The following NOTCH2NLB variants were observed in gnomAD, a reference collection of about 807,000 sequenced individuals.
The protein encoded by NOTCH2NLB is notch homolog 2 N-terminal-like protein B.
A neutral mutation model predicts 14.8 loss-of-function variants in NOTCH2NLB; 1 was observed. That is an observed-to-expected ratio of 0.07 (90% CI 0.02 to 0.32). NOTCH2NLB has a LOEUF of 0.32. NOTCH2NLB is among the 10% of genes least tolerant of loss of function. NOTCH2NLB has a pLI of 1.00. For synonymous variants in NOTCH2NLB, 6 were observed against 57.5 expected (o/e 0.10, Z 4.05); for missense variants, 11 against 155.0 (o/e 0.07, Z 4.93).
At chr1:148,658,944 AC>A (rs1364189905) in intron 1 of NOTCH2NLB, among the ~76,000 whole-genome samples, 1 of 148,342 alleles carries the variant, frequency 6.7e-6, no homozygotes, top group Non-Finnish European at 1.5e-5. Flanking sequence ...TAAGACTAAT[AC>A]ACCAGGGTTT....
chr1:148,634,110 T>A (rs1186922531), intron 2 of NOTCH2NLB, among the ~76,000 whole-genome samples: 2 of 114,566 alleles, frequency 1.7e-5, no homozygotes, highest in Admixed American at 8.4e-5. Context: ...CCTGAACATA[T>A]TACATTTTAA....
chr1:148,637,015 C>T (rs1327681534), intron 2 of NOTCH2NLB, among the ~76,000 whole-genome samples: 6 of 139,880 alleles, frequency 4.3e-5, no homozygotes, highest in African/African-American at 1.7e-4. Context: ...AGCATTCCAT[C>T]CTATCAACAA....
chr1:148,673,628 G>C (rs1664793746), intron 1 of NOTCH2NLB, among the ~76,000 whole-genome samples: 1 of 145,356 alleles, frequency 6.9e-6, no homozygotes, highest in African/African-American at 2.5e-5. Context: ...GTCCGAAAAT[G>C]CTGGATTTCG....
intron 1 of NOTCH2NLB, among the ~76,000 whole-genome samples, chr1:148,661,362 A>G (rs1452855315): frequency 4.0e-5 from 6 of 150,054 alleles, no homozygotes; most frequent in African/African-American, 1.5e-4. Context: ...ACACACACAC[A>G]CGCACACACA....
the NOTCH2NLB span, among the ~76,000 whole-genome samples, chr1:148,712,473 C>G: frequency 0.012 from 1,789 of 151,712 alleles, no homozygotes; most frequent in Non-Finnish European, 0.02. Flanking sequence ...GATGAAACGT[C>G]CAGATCTACA....
chr1:148,638,550 GCAC>G (rs1307874907), intron 2 of NOTCH2NLB, among the ~76,000 whole-genome samples: 4 of 148,854 alleles, frequency 2.7e-5, no homozygotes, highest in African/African-American at 7.5e-5. Context: ...AGAGGAGAAT[GCAC>G]CACATGTTTT....
chr1:148,689,521 TG>T, the NOTCH2NLB span, among the ~76,000 whole-genome samples: 7 of 149,116 alleles, frequency 4.7e-5, no homozygotes, highest in Non-Finnish European at 9.0e-5. Flanking sequence ...TGACCTTAGG[TG>T]ATCCACCTGC....
At chr1:148,630,138 CT>C (rs1257953672) in intron 2 of NOTCH2NLB, among the ~76,000 whole-genome samples, 1 of 112,156 alleles carries the variant, frequency 8.9e-6, no homozygotes, top group Admixed American at 8.4e-5. Context: ...ATCACTTCCC[CT>C]ATCCCAATCC....
At chr1:148,609,134 T>C (rs1424872299) in intron 3 of NOTCH2NLB, among the ~76,000 whole-genome samples, 2 of 141,236 alleles carry the variant, frequency 1.4e-5, no homozygotes, top group Admixed American at 7.0e-5. Flanking sequence ...CTAGGGTACA[T>C]GTGCACAACA....
At chr1:148,638,899 C>CA (rs1664277987) in intron 2 of NOTCH2NLB, among the ~76,000 whole-genome samples, 1 of 143,186 alleles carries the variant, frequency 7.0e-6, no homozygotes, top group Non-Finnish European at 1.5e-5. Flanking sequence ...CTACTCCTCA[C>CA]AAAAATGAAG....
intron 3 of NOTCH2NLB, among the ~76,000 whole-genome samples, chr1:148,610,357 GA>G (rs1179214489): frequency 7.0e-5 from 8 of 114,266 alleles, no homozygotes; most frequent in Non-Finnish European, 9.1e-5. Context: ...AAGAAAGAAA[GA>G]AAGAAAGAAA....
chr1:148,651,162 A>AATATATATATATATATATAT (rs1218372509), intron 1 of NOTCH2NLB, among the ~76,000 whole-genome samples: 5 of 46,016 alleles, frequency 1.1e-4, no homozygotes, highest in East Asian at 9.1e-4. Flanking sequence ...AAAAAAAAAA[A>AATATATATATATATATATAT]ATATATATAT....
chr1:148,613,181 T>C (rs1412010309), intron 3 of NOTCH2NLB, among the ~76,000 whole-genome samples: 4 of 149,108 alleles, frequency 2.7e-5, no homozygotes, highest in Non-Finnish European at 6.0e-5. Flanking sequence ...GTAAGAGTGT[T>C]TCAGTTGGGG....
rs1294116130 is a variant in NOTCH2NLB, at chr1:148,627,759, A to G, written c.78-11809T>C. Among the ~76,000 whole-genome samples the G allele has an allele frequency of 6.7e-4, 100 of 149,438 alleles. No homozygotes were observed. The East Asian group carries it at 0.019, about 29-fold the overall frequency. On this transcript the variant is annotated intron_variant, in intron 2 of 4. Transcript: ENST00000593495. ...TAACCCTGAGCCTGTGTTACTCATT[A>G]GCCCTTATTATGATTATCTGTCAAC... is the stretch of plus-strand genomic sequence containing the variant.
At chr1:148,628,627 G>A (rs1399105279) in intron 2 of NOTCH2NLB, among the ~76,000 whole-genome samples, 1 of 11,672 alleles carries the variant, frequency 8.6e-5, no homozygotes, top group African/African-American at 8.8e-4. Context: ...AGGCTAATTC[G>A]CTTAGCTGTA....
downstream of NOTCH2NLB, among the ~76,000 whole-genome samples, chr1:148,602,410 G>A (rs1219409163): frequency 2.8e-5 from 4 of 142,038 alleles, no homozygotes; most frequent in Non-Finnish European, 6.2e-5. Flanking sequence ...TTAACTCACT[G>A]ACCCCTGTGC....
At chr1:148,649,678 T>A (rs1664452098) in intron 1 of NOTCH2NLB, among the ~76,000 whole-genome samples, 1 of 151,294 alleles carries the variant, frequency 6.6e-6, no homozygotes, top group Admixed American at 6.6e-5. Context: ...AACCGGCTAA[T>A]TTTTTTTGTA....
chr1:148,621,690 T>TAGA (rs1232466171), intron 2 of NOTCH2NLB, among the ~76,000 whole-genome samples: 1 of 101,732 alleles, frequency 9.8e-6, no homozygotes, highest in Non-Finnish European at 1.8e-5. Context: ...CTCTACCCTC[T>TAGA]AGAACAAAAA....
At chr1:148,645,768 C>T (rs1333857310) in intron 1 of NOTCH2NLB, among the ~76,000 whole-genome samples, 3 of 150,824 alleles carry the variant, frequency 2.0e-5, no homozygotes, top group African/African-American at 4.9e-5. Flanking sequence ...GCCACCCCCC[C>T]ACCCATCCTT....
Sources: allele counts gnomAD v4.1 joint callset (sites outside exome capture counted in the v4.1 genomes callset), GRCh38; gene constraint gnomAD v4.1.1; transcripts MANE v1.5; gene names NCBI Gene and HGNC (gene_info 2026-07-23, HGNC 2026-07-21).